DNAJC1: variants seen among roughly 807,000 people sequenced by gnomAD.
DNAJC1 encodes the protein dnaJ homolog subfamily C member 1.
DNAJC1 carries 58 observed loss-of-function variants against 76.6 expected under a neutral mutation model. The ratio of observed to expected loss-of-function variants is 0.76; its 90% CI spans 0.61 to 0.94. DNAJC1 has a LOEUF of 0.94. Ranked by LOEUF, DNAJC1 falls within the 40% of genes least tolerant of loss-of-function variation. The pLI is 0.00. For synonymous variants in DNAJC1, 258 were observed against 267.9 expected, an observed-to-expected ratio of 0.96 and a Z score of 0.36; for missense variants, 689 against 677.3, an observed-to-expected ratio of 1.02 and a Z score of -0.19.
intron 8 of DNAJC1, among the ~76,000 whole-genome samples, chr10:21,843,294 G>A (rs1201027811): frequency 6.6e-6 from 1 of 151,862 alleles, no homozygotes; most frequent in Non-Finnish European, 1.5e-5. Flanking sequence ...CAGCTTTTAG[G>A]TAAAGAGCTA....
intron 1 of DNAJC1, among the ~76,000 whole-genome samples, chr10:21,948,491 GT>G (rs1403382406): frequency 6.6e-6 from 1 of 152,160 alleles, no homozygotes; most frequent in Non-Finnish European, 1.5e-5. Flanking sequence ...TTGGTAACCT[GT>G]AGTATATAGC....
rs1837031788 is a variant in DNAJC1, at chr10:21,920,873, C to T, written c.462G>A (p.Leu154=). 3 of 1,612,890 alleles carry T rather than the reference C, an allele frequency of 1.9e-6. No individual in the cohort carries two copies. Among genetic ancestry groups the T allele is most frequent in the Admixed American group, 1.7e-5 (1 of 59,952 alleles). Residue 154 remains leucine, a synonymous_variant, in exon 4 of 12, where the codon CTG becomes CTA. Coordinates refer to ENST00000376980, the MANE Select transcript of DNAJC1 (RefSeq NM_022365.4). ...RRVRKMSNAE[L]ALLLFIILTV... is the part of the protein sequence containing the mutation. ...TGAGAATAATGAACAAGAGTAATGC[C>T]AGCTCAGCATTGCTCATTTTTCTCA...
chr10:21,818,390 A>G (rs949998561), intron 8 of DNAJC1, among the ~76,000 whole-genome samples: 4 of 152,196 alleles, frequency 2.6e-5, no homozygotes, highest in African/African-American at 9.7e-5. Context: ...ATGACAAAGC[A>G]TGCCGAAACT....
At chr10:21,987,925 CAAT>C (rs1838272083) in intron 1 of DNAJC1, among the ~76,000 whole-genome samples, 1 of 152,080 alleles carries the variant, frequency 6.6e-6, no homozygotes, top group African/African-American at 2.4e-5. Context: ...TGCAAAATTA[CAAT>C]AAAATCTGAA....
At chr10:21,766,208 T>C in intron 10 of DNAJC1, 53 bp downstream of exon 10, 8 of 1,289,072 alleles carry the variant, frequency 6.2e-6, no homozygotes, top group Non-Finnish European at 8.9e-6. Context: ...AAAAAGGGAT[T>C]AATTTAGAAG....
At chr10:21,811,704 A>G (rs1834969068) in intron 8 of DNAJC1, among the ~76,000 whole-genome samples, 1 of 152,164 alleles carries the variant, frequency 6.6e-6, no homozygotes, top group Non-Finnish European at 1.5e-5. Flanking sequence ...CTATTAATGG[A>G]TATTTGGGTT....
intron 8 of DNAJC1, among the ~76,000 whole-genome samples, chr10:21,844,180 T>C (rs1198903472): frequency 6.6e-6 from 1 of 152,202 alleles, no homozygotes; most frequent in Admixed American, 6.5e-5. Context: ...TTCTCGATTA[T>C]GTCTTTATTA....
At chr10:21,824,597 C>T (rs749279600) in intron 8 of DNAJC1, among the ~76,000 whole-genome samples, 1 of 152,100 alleles carries the variant, frequency 6.6e-6, no homozygotes, top group African/African-American at 2.4e-5. Flanking sequence ...GAGAGATGGA[C>T]GGTGATGGAA....
chr10:21,957,920 C>T (rs977674194), intron 1 of DNAJC1, among the ~76,000 whole-genome samples: 3 of 152,034 alleles, frequency 2.0e-5, no homozygotes, highest in African/African-American at 7.2e-5. Flanking sequence ...TATTATTAAG[C>T]AAAATACCTT....
At chr10:21,821,508 G>C (rs1214923236) in intron 8 of DNAJC1, among the ~76,000 whole-genome samples, 1 of 152,104 alleles carries the variant, frequency 6.6e-6, no homozygotes, top group Non-Finnish European at 1.5e-5. Flanking sequence ...TGTCGAATGA[G>C]TATTTTGAGG....
chr10:21,897,862 A>G (rs1379609790), intron 7 of DNAJC1, among the ~76,000 whole-genome samples: 1 of 152,244 alleles, frequency 6.6e-6, no homozygotes, highest in African/African-American at 2.4e-5. Flanking sequence ...TAGTACCAAA[A>G]TTCTAGCTAG....
intron 6 of DNAJC1, among the ~76,000 whole-genome samples, chr10:21,907,142 T>A (rs1299447061): frequency 1.3e-5 from 2 of 152,174 alleles, no homozygotes; most frequent in Non-Finnish European, 2.9e-5. Context: ...ACTTCCTCTT[T>A]GAAATACACA....
intron 6 of DNAJC1, among the ~76,000 whole-genome samples, chr10:21,908,361 C>A (rs1836793988): frequency 7.1e-6 from 1 of 140,356 alleles, no homozygotes; most frequent in Non-Finnish European, 1.5e-5. Context: ...AAGAAGAAAC[C>A]ACGTGGCTAT....
rs184664478 is a variant in DNAJC1, at chr10:21,784,237, G to A, written c.1099-17928C>T. On this transcript the variant is annotated intron_variant, in intron 9 of 11. Transcript: ENST00000376980. ...CAAACAACCCCATCAAAAAGTGGGC[G>A]AAGGATATGAACAGACACTTCTCAA... Among the ~76,000 whole-genome samples, 22 of 152,236 alleles carry A rather than the reference G, an allele frequency of 1.4e-4. No homozygotes were observed. In the East Asian group the frequency reaches 1.5e-3, roughly 11 times the overall value.
chr10:21,927,086 A>G (rs1270114397), intron 3 of DNAJC1, among the ~76,000 whole-genome samples: 2 of 152,224 alleles, frequency 1.3e-5, no homozygotes, highest in African/African-American at 4.8e-5. Context: ...AGAGAAACCA[A>G]CTAGAAAATA....
intron 9 of DNAJC1, among the ~76,000 whole-genome samples, chr10:21,799,284 T>C (rs1200555490): frequency 6.6e-6 from 1 of 152,098 alleles, no homozygotes; most frequent in African/African-American, 2.4e-5. Context: ...GGTTGCTTTT[T>C]ACTGTTTTTT....
intron 8 of DNAJC1, among the ~76,000 whole-genome samples, chr10:21,852,153 A>G (rs1278454296): frequency 1.3e-5 from 2 of 152,112 alleles, no homozygotes; most frequent in Non-Finnish European, 2.9e-5. Context: ...ATTCAGCCAT[A>G]AAAAGATTGA....
rs570836636 is a variant in DNAJC1 at position 21,783,216 on chromosome 10, A to T, written c.1099-16907T>A. Reference sequence around the variant, plus strand: ...ACTTCAGCAAAGTCTCAGGATACAAAATCAATGTGCAAAAATCACAAGCAT... The same window carrying T: ...ACTTCAGCAAAGTCTCAGGATACAATATCAATGTGCAAAAATCACAAGCAT... On this transcript the variant is annotated intron_variant, in intron 9 of 11. Coordinates refer to ENST00000376980, the MANE Select transcript of DNAJC1 (RefSeq NM_022365.4). Among the ~76,000 whole-genome samples, 10 of 152,272 alleles carry T rather than the reference A, an allele frequency of 6.6e-5. No homozygotes were observed. The East Asian group carries it at 1.5e-3, about 23-fold the overall frequency.
At position 21,836,741 on chromosome 10, in the gene DNAJC1, A is replaced by G. The variant is rs1384290537; in HGVS notation, c.979-30642T>C. ...CAAAAGAGACAAAGAAGGCCATTAC[A>G]TAATGGTAAAGGGATCAATTCAACA... is the stretch of plus-strand genomic sequence containing the variant. On this transcript the variant is annotated intron_variant, in intron 8 of 11. Transcript: ENST00000376980. Among the ~76,000 whole-genome samples the G allele has an allele frequency of 3.3e-5, 5 of 152,338 alleles. No individual in the cohort carries two copies. The East Asian group carries it at 9.6e-4, about 29-fold the overall frequency.
Sources: gnomAD v4.1 joint callset for allele counts (sites outside exome capture counted in the v4.1 genomes callset) on GRCh38, gnomAD v4.1.1 for gene constraint, MANE v1.5 for transcripts, NCBI Gene and HGNC (gene_info 2026-07-23, HGNC 2026-07-21) for gene names.